GALNT13: variants seen among roughly 807,000 people sequenced by gnomAD.
GALNT13 encodes polypeptide N-acetylgalactosaminyltransferase 13.
A neutral mutation model predicts 64.2 loss-of-function variants in GALNT13; 28 were observed. The observed-to-expected ratio is 0.44, with a 90% confidence interval of 0.32 to 0.60. The LOEUF (loss-of-function observed/expected upper bound fraction) is 0.60. Ranked by LOEUF, GALNT13 falls within the 20% of genes least tolerant of loss-of-function variation. GALNT13 has a pLI of 0.05. For synonymous variants in GALNT13, 214 were observed against 224.6 expected (o/e 0.95, Z 0.42); for missense variants, 577 against 669.8 (o/e 0.86, Z 1.53).
chr2:153,500,238 T>A, the GALNT13 span, among the ~76,000 whole-genome samples: 86,957 of 151,994 alleles, frequency 0.57, 27,746 homozygotes, highest in African/African-American at 0.84. Flanking sequence ...CCATCATCCA[T>A]GGTTCCATTT....
chr2:153,363,488 C>A, the GALNT13 span, among the ~76,000 whole-genome samples: 1 of 151,908 alleles, frequency 6.6e-6, no homozygotes, highest in Non-Finnish European at 1.5e-5. Context: ...AGACCACTAG[C>A]TTGACTAGTA....
chr2:153,310,952 T>C, the GALNT13 span, among the ~76,000 whole-genome samples: 3 of 152,232 alleles, frequency 2.0e-5, no homozygotes, highest in Non-Finnish European at 2.9e-5. Flanking sequence ...TGTTACATTG[T>C]TTGGCAGAAG....
chr2:154,231,002 A>G (rs1184593666), intron 4 of GALNT13, among the ~76,000 whole-genome samples: 1 of 152,112 alleles, frequency 6.6e-6, no homozygotes, highest in East Asian at 1.9e-4. Context: ...ATTGTAGTGA[A>G]ACCTGAACTT....
the GALNT13 span, among the ~76,000 whole-genome samples, chr2:153,805,298 T>G: frequency 3.9e-5 from 6 of 152,046 alleles, no homozygotes; most frequent in Non-Finnish European, 7.4e-5. Flanking sequence ...AATTATATTT[T>G]CATCAAAAAT....
At chr2:153,788,689 G>T in the GALNT13 span, among the ~76,000 whole-genome samples, 1 of 152,100 alleles carries the variant, frequency 6.6e-6, no homozygotes, top group African/African-American at 2.4e-5. Flanking sequence ...CCAATTGTAT[G>T]CTATCTTCAA....
Position 154,452,505 on chromosome 2 carries a change from G to A in GALNT13, c.*1954G>A, listed in dbSNP as rs1236766686. 1 of 152,116 alleles carries A rather than the reference G, an allele frequency of 6.6e-6. No homozygotes were observed. Among genetic ancestry groups the A allele is most frequent in the Non-Finnish European group, 1.5e-5 (1 of 68,030 alleles). 9.4% of individuals were successfully genotyped at this position (152,116 alleles called of 1,614,324 possible). ...TCTCAAGGACTCATGTATACCATAT[G>A]TTCCACTTATTGCTTTGTTAGTCAA... On this transcript the variant is annotated 3_prime_UTR_variant, in exon 13 of 13. Transcript: ENST00000392825.
At chr2:154,364,702 C>G (rs887727267) in intron 9 of GALNT13, among the ~76,000 whole-genome samples, 3 of 151,632 alleles carry the variant, frequency 2.0e-5, no homozygotes, top group Non-Finnish European at 4.4e-5. Context: ...GACGGAGTCT[C>G]ACTCTCTCTC....
the GALNT13 span, among the ~76,000 whole-genome samples, chr2:153,394,747 T>G: frequency 6.6e-6 from 1 of 152,158 alleles, no homozygotes; most frequent in Non-Finnish European, 1.5e-5. Flanking sequence ...TTTTCCCAAA[T>G]AATAGTGTAT....
At chr2:154,357,226 C>G (rs111702859) in intron 9 of GALNT13, among the ~76,000 whole-genome samples, 7 of 151,972 alleles carry the variant, frequency 4.6e-5, no homozygotes, top group Non-Finnish European at 8.8e-5. Context: ...TCTTAACTTT[C>G]TAGGAGAGTC....
intron 1 of GALNT13, among the ~76,000 whole-genome samples, chr2:153,874,484 G>A (rs10221717): frequency 0.27 from 40,922 of 151,776 alleles, 6,063 homozygotes; most frequent in Middle Eastern, 0.41. Flanking sequence ...AGGAATTATA[G>A]GGTACTGCTG....
the GALNT13 span, among the ~76,000 whole-genome samples, chr2:153,727,581 C>T: frequency 6.6e-6 from 1 of 152,160 alleles, no homozygotes; most frequent in African/African-American, 2.4e-5. Flanking sequence ...ATCCATACGA[C>T]TCATCTATAA....
chr2:153,345,541 G>T, the GALNT13 span, among the ~76,000 whole-genome samples: 69 of 152,060 alleles, frequency 4.5e-4, no homozygotes, highest in African/African-American at 1.6e-3. Flanking sequence ...GATTCAGTAG[G>T]GGGCATACTT....
chr2:154,442,331 G>A (rs527459781), intron 12 of GALNT13, among the ~76,000 whole-genome samples: 47 of 152,020 alleles, frequency 3.1e-4, no homozygotes, highest in Non-Finnish European at 5.0e-4. Flanking sequence ...GCACATGTTA[G>A]TAATAAATGC....
At chr2:153,233,833 C>T in the GALNT13 span, among the ~76,000 whole-genome samples, 12 of 152,076 alleles carry the variant, frequency 7.9e-5, no homozygotes, top group African/African-American at 2.9e-4. Context: ...CAGTCAATGC[C>T]GTGTTTCCTT....
At chr2:154,393,106 T>C (rs1698872782) in intron 9 of GALNT13, among the ~76,000 whole-genome samples, 1 of 152,236 alleles carries the variant, frequency 6.6e-6, no homozygotes, top group African/African-American at 2.4e-5. Flanking sequence ...ATGCTTAGTA[T>C]AGATCCCAGT....
chr2:154,380,028 C>T (rs572285019), intron 9 of GALNT13, among the ~76,000 whole-genome samples: 131 of 151,850 alleles, frequency 8.6e-4, no homozygotes, highest in African/African-American at 3.0e-3. Flanking sequence ...TCTAAAAATT[C>T]AAAAAGTGGA....
chr2:154,166,912 G>A (rs1394281670), intron 4 of GALNT13, among the ~76,000 whole-genome samples: 1 of 151,888 alleles, frequency 6.6e-6, no homozygotes, highest in East Asian at 1.9e-4. Flanking sequence ...TCACTCATAG[G>A]TGGGAATTGA....
At chr2:154,088,180 T>C (rs1033961740) in intron 3 of GALNT13, among the ~76,000 whole-genome samples, 6 of 152,110 alleles carry the variant, frequency 3.9e-5, no homozygotes, top group Non-Finnish European at 7.4e-5. Flanking sequence ...GCATCTCTAA[T>C]TGATTTTGCA....
chr2:153,887,459 A>C (rs1412343256), intron 1 of GALNT13, among the ~76,000 whole-genome samples: 5 of 151,646 alleles, frequency 3.3e-5, no homozygotes, highest in Admixed American at 6.6e-5. Context: ...GGAGTTAAAG[A>C]TGGGACTGAA....
Sources: gnomAD v4.1 joint callset for allele counts (sites outside exome capture counted in the v4.1 genomes callset) on GRCh38, gnomAD v4.1.1 for gene constraint, MANE v1.5 for transcripts, NCBI Gene and HGNC (gene_info 2026-07-23, HGNC 2026-07-21) for gene names.